ELMO1: variants seen among roughly 807,000 people sequenced by gnomAD.
ELMO1 encodes the protein engulfment and cell motility 1.
ELMO1 carries 26 observed loss-of-function variants against 98.9 expected under a neutral mutation model. The ratio of observed to expected loss-of-function variants is 0.26; its 90% confidence interval spans 0.19 to 0.36. The LOEUF (loss-of-function observed/expected upper bound fraction) is 0.36, where lower values mean the gene tolerates loss of function less well. Among genes scored for constraint, ELMO1 ranks in the 10% least tolerant of loss-of-function variants. ELMO1 has a pLI of 1.00. For synonymous variants in ELMO1, 346 were observed against 346.0 expected, an observed-to-expected ratio of 1.00 and a Z score of 0.00; for missense variants, 627 against 935.2, an observed-to-expected ratio of 0.67 and a Z score of 4.30.
At chr7:36,928,314 C>G (rs902240208) in intron 16 of ELMO1, among the ~76,000 whole-genome samples, 6 of 152,164 alleles carry the variant, frequency 3.9e-5, no homozygotes, top group African/African-American at 1.4e-4. Flanking sequence ...TTCCCACCGA[C>G]TCAACAGGGC....
chr7:37,093,111 C>A (rs1302560913), intron 15 of ELMO1, among the ~76,000 whole-genome samples: 1 of 151,904 alleles, frequency 6.6e-6, no homozygotes, highest in Non-Finnish European at 1.5e-5. Context: ...TTATTTTGGA[C>A]CACGCTATTA....
intron 1 of ELMO1, among the ~76,000 whole-genome samples, chr7:37,432,698 AC>A (rs1804981068): frequency 6.6e-6 from 1 of 152,124 alleles, no homozygotes; most frequent in Admixed American, 6.6e-5. Flanking sequence ...AAAAATCCCA[AC>A]CCCCAATGTG....
chr7:36,860,059 ACTTT>A lies in ELMO1; in HGVS notation c.1983+1596_1983+1599del, dbSNP rs1248637597. Among the ~76,000 whole-genome samples, 3 of 152,164 alleles carry A rather than the reference ACTTT, an allele frequency of 2.0e-5. No individual in the cohort carries two copies. In the East Asian group the frequency reaches 5.8e-4, roughly 29 times the overall value. On this transcript the variant is annotated intron_variant, in intron 21 of 21. Transcript: ENST00000310758. ...GTAAACATATTTTCTCTTCCTTATG[ACTTT>A]CTTAACATTTTCTTTTCCCTAGCTT...
intron 4 of ELMO1, among the ~76,000 whole-genome samples, chr7:37,275,224 G>C (rs1796765857): frequency 6.6e-6 from 1 of 152,200 alleles, no homozygotes; most frequent in South Asian, 2.1e-4. Context: ...TAACTGCTAA[G>C]GAATGCTCCT....
intron 13 of ELMO1, among the ~76,000 whole-genome samples, chr7:37,138,801 T>C (rs557666069): frequency 1.3e-5 from 2 of 152,298 alleles, no homozygotes; most frequent in African/African-American, 2.4e-5. Context: ...GTATCACTGA[T>C]GAACACAGAT....
At chr7:37,214,273 G>C (rs527882660) in intron 11 of ELMO1, among the ~76,000 whole-genome samples, 23 of 152,282 alleles carry the variant, frequency 1.5e-4, no homozygotes, top group Admixed American at 1.3e-3. Context: ...CAATGTGGTG[G>C]AACAACCCAT....
chr7:37,024,765 T>C (rs1028054775), intron 15 of ELMO1, among the ~76,000 whole-genome samples: 15 of 152,238 alleles, frequency 9.9e-5, no homozygotes, highest in African/African-American at 3.4e-4. Flanking sequence ...AAGCACTTCA[T>C]AAATATTAGT....
At chr7:36,916,560 C>T (rs570207839) in intron 16 of ELMO1, among the ~76,000 whole-genome samples, 1 of 152,234 alleles carries the variant, frequency 6.6e-6, no homozygotes, top group African/African-American at 2.4e-5. Context: ...TAAGACAGTG[C>T]TTCCAAGCTC....
chr7:37,427,247 T>A (rs1804748891), intron 1 of ELMO1, among the ~76,000 whole-genome samples: 1 of 152,236 alleles, frequency 6.6e-6, no homozygotes, highest in Non-Finnish European at 1.5e-5. Flanking sequence ...ATCTCTGTGA[T>A]GTGCTACGTT....
chr7:37,239,657 T>A lies in ELMO1; in HGVS notation c.449+4699A>T, dbSNP rs376884005. ...AAAGCAGGATTGAGTATGGAAAGCC[T>A]TGGGACCATGAAACAGATCTGATGC... On this transcript the variant is annotated intron_variant, in intron 7 of 21. Coordinates refer to ENST00000310758, the MANE Select transcript of ELMO1 (RefSeq NM_014800.11). Among the ~76,000 whole-genome samples, 14 of 152,254 alleles carry A rather than the reference T, an allele frequency of 9.2e-5. No individual in the cohort carries two copies. The East Asian group carries it at 1.7e-3, about 19-fold the overall frequency.
At chr7:37,366,901 A>G (rs1801923863) in intron 1 of ELMO1, among the ~76,000 whole-genome samples, 1 of 152,266 alleles carries the variant, frequency 6.6e-6, no homozygotes, top group Admixed American at 6.5e-5. Context: ...CAGAAATCAG[A>G]TAACAGACTG....
intron 3 of ELMO1, 38 bp from the exon 4 acceptor site, chr7:37,314,960 A>G: frequency 6.3e-7 from 1 of 1,582,104 alleles, no homozygotes; most frequent in South Asian, 1.2e-5. Flanking sequence ...GAAAAATGAA[A>G]GTGGCCATTT....
At chr7:36,993,858 C>T (rs1792025446) in intron 16 of ELMO1, among the ~76,000 whole-genome samples, 1 of 152,200 alleles carries the variant, frequency 6.6e-6, no homozygotes, top group Admixed American at 6.5e-5. Flanking sequence ...CTACAATTCT[C>T]TCCACACAAT....
At chr7:37,154,099 A>C (rs1279849756) in intron 13 of ELMO1, among the ~76,000 whole-genome samples, 2 of 152,242 alleles carry the variant, frequency 1.3e-5, no homozygotes, top group East Asian at 3.9e-4. Flanking sequence ...ACTAACAAAC[A>C]GAAAGGAATA....
intron 13 of ELMO1, among the ~76,000 whole-genome samples, chr7:37,146,790 GA>G (rs2129314552): frequency 6.6e-6 from 1 of 152,306 alleles, no homozygotes; most frequent in African/African-American, 2.4e-5. Context: ...CCTGAGAGCA[GA>G]AAAATAACTG....
At chr7:37,238,088 C>A (rs1242295138) in intron 7 of ELMO1, among the ~76,000 whole-genome samples, 2 of 152,122 alleles carry the variant, frequency 1.3e-5, no homozygotes, top group East Asian at 1.9e-4. Flanking sequence ...TTGCACTGAA[C>A]CTATAGTATA....
intron 1 of ELMO1, among the ~76,000 whole-genome samples, chr7:37,446,084 G>A (rs763760218): frequency 4.6e-5 from 7 of 152,124 alleles, no homozygotes; most frequent in African/African-American, 7.2e-5. Flanking sequence ...AAAGGACAGC[G>A]AAAAAAGCAA....
intron 13 of ELMO1, among the ~76,000 whole-genome samples, chr7:37,161,998 CAA>C (rs1189883859): frequency 8.6e-6 from 1 of 115,956 alleles, no homozygotes; most frequent in Non-Finnish European, 1.8e-5. Flanking sequence ...TAGGTCAACA[CAA>C]AAAAAAAGGG....
chr7:37,406,701 C>T (rs1803782467), intron 1 of ELMO1, among the ~76,000 whole-genome samples: 1 of 152,132 alleles, frequency 6.6e-6, no homozygotes, highest in African/African-American at 2.4e-5. Flanking sequence ...CTCGGCCTCC[C>T]AAAGTGCTGG....
Sources: gnomAD v4.1 joint callset for allele counts (sites outside exome capture counted in the v4.1 genomes callset) on GRCh38, gnomAD v4.1.1 for gene constraint, MANE v1.5 for transcripts, NCBI Gene and HGNC (gene_info 2026-07-23, HGNC 2026-07-21) for gene names.